The following NR2C1 variants were observed in gnomAD, a reference collection of about 807,000 sequenced individuals.
NR2C1 encodes the protein nuclear receptor subfamily 2 group C member 1.
Under a neutral mutation model 74.8 loss-of-function variants are expected in NR2C1, and 33 were observed. The observed-to-expected ratio is 0.44, with a 90% confidence interval of 0.33 to 0.59. The LOEUF is 0.59. Among genes scored for constraint, NR2C1 ranks in the 20% least tolerant of loss-of-function variants. The pLI is 0.02. For synonymous variants in NR2C1, 225 were observed against 240.6 expected (o/e 0.94, Z 0.60); for missense variants, 568 against 715.6 (o/e 0.79, Z 2.35).
chr12:95,057,493 G>T, intron 7 of NR2C1, 60 bp downstream of exon 7: 2 of 1,226,790 alleles, frequency 1.6e-6, no homozygotes, highest in South Asian at 2.9e-5. Context: ...CAAAGGAAGT[G>T]ATTAGAAAAC....
intron 2 of NR2C1, chr12:95,062,965 C>G (rs1430276546): frequency 8.9e-6 from 5 of 561,106 alleles, no homozygotes; most frequent in Non-Finnish European, 1.6e-5. Flanking sequence ...TTCCCTCCTT[C>G]CCCTTCCCTC....
intron 11 of NR2C1, chr12:95,030,472 T>C: frequency 6.7e-7 from 1 of 1,499,766 alleles, no homozygotes; most frequent in South Asian, 1.4e-5. Flanking sequence ...CATCCATTAG[T>C]AATTAGTCAA....
chr12:95,072,621 T>C (rs1876874197), intron 1 of NR2C1: 1 of 152,158 alleles, frequency 6.6e-6, no homozygotes, highest in Non-Finnish European at 1.5e-5. Flanking sequence ...GTTACTTTTT[T>C]AAAGGCTGAC....
At chr12:95,072,716 T>C (rs1876886790) in intron 1 of NR2C1, 1 of 152,222 alleles carries the variant, frequency 6.6e-6, no homozygotes, top group East Asian at 1.9e-4. Context: ...AATTATTTCT[T>C]AACAAAAGAG....
At chr12:95,069,120 AT>A (rs1315111085) in intron 1 of NR2C1, among the ~76,000 whole-genome samples, 1 of 152,220 alleles carries the variant, frequency 6.6e-6, no homozygotes, top group East Asian at 1.9e-4. Context: ...ATGCTTTTAA[AT>A]TTTGCTTAAA....
At chr12:95,064,328 CA>C (rs35375374) in intron 2 of NR2C1, among the ~76,000 whole-genome samples, 26,039 of 107,994 alleles carry the variant, frequency 0.24, 2,038 homozygotes, top group East Asian at 0.26. Context: ...GAGTCTGTCT[CA>C]AAAAAAAAAA....
chr12:95,028,672 G>GGCAGT (rs1258338521), intron 11 of NR2C1, 148 bp from the exon 12 acceptor site: 4 of 614,734 alleles, frequency 6.5e-6, no homozygotes, highest in African/African-American at 1.9e-5. Flanking sequence ...TCGCCCAGGT[G>GGCAGT]GCAGTGCAGT....
In NR2C1 at chr12:95,062,605, T is replaced by C. The variant is rs748274882; in HGVS notation, c.188A>G (p.Asp63Gly). The C allele has an allele frequency of 2.9e-5, 46 of 1,614,012 alleles. No homozygotes were observed. Among genetic ancestry groups the C allele is most frequent in the Non-Finnish European group, 3.8e-5 (45 of 1,180,042 alleles). Residue 63 changes from aspartate to glycine, a missense_variant, in exon 3 of 14, where the codon GAT (aspartate) becomes GGT (glycine). Coordinates refer to ENST00000333003, the MANE Select transcript of NR2C1 (RefSeq NM_003297.4). Reference protein sequence around the residue: ...TPSKVILARQDSTPGKVFLTT... With the variant: ...TPSKVILARQGSTPGKVFLTT... ...AAGGAAAACTTTTCCCGGAGTGGAA[T>C]CTTGCCTGGCCAGAATGACTTTGCT... is the stretch of plus-strand genomic sequence containing the variant.
At chr12:95,028,269 T>C (rs1869619200) in intron 12 of NR2C1, 118 bp downstream of exon 12, 2 of 746,002 alleles carry the variant, frequency 2.7e-6, no homozygotes, top group African/African-American at 1.8e-5. Context: ...GAAGAACTAC[T>C]GAACTCTTTT....
intron 9 of NR2C1, among the ~76,000 whole-genome samples, chr12:95,047,208 A>T (rs1646491008): frequency 6.6e-6 from 1 of 152,202 alleles, no homozygotes; most frequent in Admixed American, 6.5e-5. Flanking sequence ...TAAGAAAACA[A>T]AAGAGTATCT....
intron 4 of NR2C1, among the ~76,000 whole-genome samples, chr12:95,059,227 AG>A (rs762974145): frequency 2.0e-5 from 3 of 151,446 alleles, no homozygotes; most frequent in Non-Finnish European, 4.4e-5. Flanking sequence ...GCTTGAACCC[AG>A]GAGGCAGAGG....
At chr12:95,067,575 AT>A (rs552387315) in intron 1 of NR2C1, among the ~76,000 whole-genome samples, 184 bp from the exon 2 acceptor site, 326 of 142,940 alleles carry the variant, frequency 2.3e-3, no homozygotes, top group Admixed American at 2.5e-3. Context: ...TGTCTTTTTT[AT>A]TTTTTTTTTT....
At chr12:95,061,687 C>T (rs1205251127) in intron 3 of NR2C1, among the ~76,000 whole-genome samples, 4 of 152,260 alleles carry the variant, frequency 2.6e-5, no homozygotes, top group Non-Finnish European at 4.4e-5. Context: ...AATTTTCTTT[C>T]GTGAGTTTTT....
At chr12:95,060,006 A>AAG in intron 3 of NR2C1, 22 bp from the exon 4 acceptor site, 1 of 1,449,868 alleles carries the variant, frequency 6.9e-7, no homozygotes, top group Non-Finnish European at 9.3e-7. Flanking sequence ...AAAAAAAAAA[A>AAG]AGAAAACAAA....
At chr12:95,040,128 T>G (rs1871328901) in intron 10 of NR2C1, among the ~76,000 whole-genome samples, 2 of 151,774 alleles carry the variant, frequency 1.3e-5, no homozygotes, top group South Asian at 2.1e-4. Flanking sequence ...GAAACAGTAG[T>G]GATGAGAGAG....
chr12:95,055,992 T>C (rs781110664), intron 7 of NR2C1, among the ~76,000 whole-genome samples: 6 of 136,466 alleles, frequency 4.4e-5, no homozygotes, highest in African/African-American at 1.6e-4. Context: ...CCCAGCTAGG[T>C]AGGGAGGCTC....
Position 95,049,055 on chromosome 12 carries a change from CAT to C in NR2C1, c.1131+11_1131+12del, listed in dbSNP as rs1872651218. 6.2e-7 allele frequency: 1 copy of C among 1,608,718 alleles called. No individual in the cohort carries two copies. Among genetic ancestry groups the C allele is most frequent in the South Asian group, 1.1e-5 (1 of 90,302 alleles). ...AACACAACATACAAGTTAAAAAAAA[CAT>C]ATAGAAATACCCTGAAAGCTACATG... is the stretch of plus-strand genomic sequence containing the variant. On this transcript the variant is annotated intron_variant, in intron 9 of 13. Coordinates refer to ENST00000333003, the MANE Select transcript of NR2C1 (RefSeq NM_003297.4).
chr12:95,044,409 A>C (rs571248515), intron 9 of NR2C1, among the ~76,000 whole-genome samples: 1 of 151,532 alleles, frequency 6.6e-6, no homozygotes, highest in South Asian at 2.1e-4. Flanking sequence ...CTGGGATTAC[A>C]GGTGCCCGCC....
chr12:95,048,728 G>A (rs1004533838), intron 9 of NR2C1, among the ~76,000 whole-genome samples: 1 of 149,384 alleles, frequency 6.7e-6, no homozygotes, highest in Non-Finnish European at 1.5e-5. Context: ...GAGTTCAATC[G>A]ATTGTCCTGC....
Sources: allele counts gnomAD v4.1 joint callset (sites outside exome capture counted in the v4.1 genomes callset), GRCh38; gene constraint gnomAD v4.1.1; transcripts MANE v1.5; gene names NCBI Gene and HGNC (gene_info 2026-07-23, HGNC 2026-07-21).